Variants in RGS5 observed in about 807,000 individuals in gnomAD.
RGS5 encodes regulator of G protein signaling 5.
RGS5 carries 20 observed loss-of-function variants against 18.9 expected under a neutral mutation model. That is an observed-to-expected ratio of 1.06 (90% confidence interval 0.74 to 1.54). RGS5 has a LOEUF of 1.54. RGS5 is among the 40% of genes most tolerant of loss of function. The pLI, the probability that RGS5 is intolerant of heterozygous loss-of-function variation, is 0.00. For missense variants in RGS5, 201 were observed against 211.8 expected, an observed-to-expected ratio of 0.95 and a Z score of 0.32; for synonymous variants, 57 against 76.2, an observed-to-expected ratio of 0.75 and a Z score of 1.31.
chr1:163,170,521 G>A (rs1249034911), intron 1 of RGS5, among the ~76,000 whole-genome samples: 1 of 152,098 alleles, frequency 6.6e-6, no homozygotes, highest in Non-Finnish European at 1.5e-5. Flanking sequence ...GGGAGGCTGT[G>A]ATGAGGCAAT....
upstream of RGS5, chr1:163,206,571 T>G (rs1392039167): frequency 6.6e-6 from 1 of 152,170 alleles, no homozygotes. Flanking sequence ...TGTGTTAATA[T>G]TAAGAGGTGG....
intron 1 of RGS5, among the ~76,000 whole-genome samples, chr1:163,177,726 A>G (rs959383165): frequency 2.6e-5 from 4 of 152,198 alleles, no homozygotes; most frequent in African/African-American, 9.7e-5. Flanking sequence ...GATCTGTAGC[A>G]ACTCTTAAAG....
chr1:163,287,001 G>A (rs1288365906), intron 2 of RGS5, among the ~76,000 whole-genome samples: 1 of 152,134 alleles, frequency 6.6e-6, no homozygotes, highest in Non-Finnish European at 1.5e-5. Flanking sequence ...AAGCTTAAAT[G>A]TAGGTACTAT....
At chr1:163,171,264 T>G (rs534072093) in intron 1 of RGS5, among the ~76,000 whole-genome samples, 13 of 152,274 alleles carry the variant, frequency 8.5e-5, no homozygotes, top group Non-Finnish European at 1.3e-4. Flanking sequence ...ATGCAATATT[T>G]GTGGCTACCC....
intron 2 of RGS5, among the ~76,000 whole-genome samples, chr1:163,251,258 A>G (rs1648100940): frequency 6.6e-6 from 1 of 152,156 alleles, no homozygotes; most frequent in African/African-American, 2.4e-5. Flanking sequence ...TTCTCAGTGG[A>G]GTGGAAGTAT....
chr1:163,205,285 T>C (rs936143264), upstream of RGS5, among the ~76,000 whole-genome samples: 13 of 145,314 alleles, frequency 8.9e-5, no homozygotes, highest in Non-Finnish European at 1.6e-4. Context: ...AGCTATACTG[T>C]ACCGTACACT....
rs1277126346 is a variant in RGS5 at position 163,145,870 on chromosome 1, T to C, written c.*1472A>G. The stretch of plus-strand genomic sequence containing the variant: ...GAAAGAGAGCAACAGAAGGAGGAAA[T>C]ACAAGACTAGACAATGTAATCTTCT... On this transcript the variant is annotated 3_prime_UTR_variant, in exon 5 of 5. Coordinates refer to ENST00000313961, the MANE Select transcript of RGS5 (RefSeq NM_003617.4). The C allele has an allele frequency of 6.6e-6, 1 of 152,088 alleles. No individual in the cohort carries two copies. Among genetic ancestry groups the C allele is most frequent in the African/African-American group, 2.4e-5 (1 of 41,414 alleles). The allele number at this position is 152,088 out of a possible 1,614,324, so 9.4% of individuals were successfully genotyped here.
chr1:163,273,316 A>T (rs1648771093), intron 2 of RGS5, among the ~76,000 whole-genome samples: 1 of 152,122 alleles, frequency 6.6e-6, no homozygotes, highest in South Asian at 2.1e-4. Flanking sequence ...CATTCTATCA[A>T]TTATTAAGAG....
At chr1:163,158,559 C>G (rs932762318) in intron 3 of RGS5, among the ~76,000 whole-genome samples, 1 of 151,990 alleles carries the variant, frequency 6.6e-6, no homozygotes, top group Non-Finnish European at 1.5e-5. Flanking sequence ...CAGCAGGTTC[C>G]ATAATGCCCC....
At chr1:163,160,557 A>G (rs1379460697) in intron 3 of RGS5, among the ~76,000 whole-genome samples, 1 of 152,192 alleles carries the variant, frequency 6.6e-6, no homozygotes, top group African/African-American at 2.4e-5. Flanking sequence ...TGAATAAGCT[A>G]GAGAAAGTTC....
chr1:163,188,951 CAAAAAAAA>C (rs34767004), intron 1 of RGS5, among the ~76,000 whole-genome samples: 1 of 77,634 alleles, frequency 1.3e-5, no homozygotes, highest in African/African-American at 4.9e-5. Context: ...GACCCCATCT[CAAAAAAAA>C]AAAAAAAAAA....
chr1:163,232,131 G>A (rs569772445), intron 2 of RGS5, among the ~76,000 whole-genome samples: 7 of 152,120 alleles, frequency 4.6e-5, no homozygotes, highest in Non-Finnish European at 8.8e-5. Flanking sequence ...GGGGAAGGAT[G>A]GGCACTGAAC....
chr1:163,152,431 G>A (rs763898391), intron 4 of RGS5, 119 bp downstream of exon 4: 60 of 1,009,954 alleles, frequency 5.9e-5, no homozygotes, highest in Non-Finnish European at 8.0e-5. Context: ...TTAATAAGGT[G>A]GTCGACTCAC....
At chr1:163,217,675 C>CT, upstream of RGS5, 1 of 1,479,484 alleles carries the variant, frequency 6.8e-7, no homozygotes, top group Admixed American at 2.5e-5. Context: ...TTTTGGGAAA[C>CT]AATGCTGAGA....
intron 1 of RGS5, among the ~76,000 whole-genome samples, chr1:163,168,968 C>T (rs534214841): frequency 3.3e-5 from 5 of 151,670 alleles, no homozygotes; most frequent in South Asian, 2.1e-4. Flanking sequence ...CCCATCAACT[C>T]GTCATTTAGC....
At chr1:163,210,278 C>A (rs941388431) in intron 1 of RGS5, among the ~76,000 whole-genome samples, 1 of 152,144 alleles carries the variant, frequency 6.6e-6, no homozygotes, top group African/African-American at 2.4e-5. Context: ...GGCTTACAGG[C>A]ACAAGCCACC....
chr1:163,272,815 T>C (rs1648753968), intron 2 of RGS5, among the ~76,000 whole-genome samples: 1 of 152,146 alleles, frequency 6.6e-6, no homozygotes, highest in Non-Finnish European at 1.5e-5. Flanking sequence ...AGTACCACAC[T>C]ATTTTTATTA....
upstream of RGS5, among the ~76,000 whole-genome samples, chr1:163,222,350 T>G (rs1201484964): frequency 6.6e-6 from 1 of 152,160 alleles, no homozygotes; most frequent in Non-Finnish European, 1.5e-5. Flanking sequence ...TAATGCCTGA[T>G]GATCTGAGGA....
At chr1:163,234,633 G>C (rs904179618) in intron 2 of RGS5, among the ~76,000 whole-genome samples, 4 of 152,184 alleles carry the variant, frequency 2.6e-5, no homozygotes, top group African/African-American at 9.7e-5. Context: ...AGCCATCTGA[G>C]CCAGTTTTCT....
Sources: allele counts gnomAD v4.1 joint callset (sites outside exome capture counted in the v4.1 genomes callset), GRCh38; gene constraint gnomAD v4.1.1; transcripts MANE v1.5; gene names NCBI Gene and HGNC (gene_info 2026-07-23, HGNC 2026-07-21).